LRRC7: variants seen among roughly 807,000 people sequenced by gnomAD.
LRRC7 encodes leucine rich repeat containing 7, also known as leucine-rich repeat-containing protein 7.
A neutral mutation model predicts 175.7 loss-of-function variants in LRRC7; 23 were observed. The observed-to-expected ratio is 0.13, with a 90% CI of 0.09 to 0.19. The LOEUF (loss-of-function observed/expected upper bound fraction) is 0.19, where lower values mean the gene tolerates loss of function less well. LRRC7 is among the 10% of genes least tolerant of loss of function. The pLI is 1.00. For missense variants in LRRC7, 1,354 were observed against 1,904.7 expected, an observed-to-expected ratio of 0.71 and a Z score of 5.38; for synonymous variants, 685 against 680.9, an observed-to-expected ratio of 1.01 and a Z score of -0.09.
At chr1:69,812,124 A>C (rs1271546023) in intron 4 of LRRC7, among the ~76,000 whole-genome samples, 1 of 152,136 alleles carries the variant, frequency 6.6e-6, no homozygotes, top group African/African-American at 2.4e-5. Context: ...TACATAGTCA[A>C]CCCTGGTTGT....
At chr1:69,623,543 G>T (rs931624373) in intron 1 of LRRC7, among the ~76,000 whole-genome samples, 1 of 135,036 alleles carries the variant, frequency 7.4e-6, no homozygotes, top group East Asian at 2.4e-4. Flanking sequence ...CTTAGAAAAA[G>T]ACATACTTTT....
intron 7 of LRRC7, among the ~76,000 whole-genome samples, chr1:69,862,671 T>C (rs1034367336): frequency 1.3e-5 from 2 of 152,216 alleles, no homozygotes; most frequent in Admixed American, 1.3e-4. Flanking sequence ...AGAACATTAT[T>C]GTAATAATTT....
intron 8 of LRRC7, among the ~76,000 whole-genome samples, chr1:69,980,177 C>A (rs1653275714): frequency 1.3e-5 from 2 of 152,054 alleles, no homozygotes; most frequent in African/African-American, 2.4e-5. Context: ...ATTGTTCTAA[C>A]TGATTCCAGA....
intron 1 of LRRC7, among the ~76,000 whole-genome samples, chr1:69,650,312 G>T (rs923577877): frequency 3.3e-5 from 5 of 151,896 alleles, no homozygotes; most frequent in Admixed American, 2.0e-4. Context: ...ATGCCAGGAC[G>T]GGTGGATCAC....
intron 11 of LRRC7, among the ~76,000 whole-genome samples, chr1:69,997,150 T>C (rs1655063031): frequency 6.6e-6 from 1 of 152,190 alleles, no homozygotes; most frequent in African/African-American, 2.4e-5. Flanking sequence ...TATTTTATTC[T>C]CTTTGAAGCA....
intron 3 of LRRC7, among the ~76,000 whole-genome samples, chr1:69,787,228 G>T (rs534199098): frequency 6.6e-6 from 1 of 152,202 alleles, no homozygotes; most frequent in Non-Finnish European, 1.5e-5. Flanking sequence ...TTGTGGCCTC[G>T]CAGGGTACGG....
intron 2 of LRRC7, among the ~76,000 whole-genome samples, chr1:69,744,608 A>C (rs1669062931): frequency 6.6e-6 from 1 of 151,840 alleles, no homozygotes; most frequent in African/African-American, 2.4e-5. Flanking sequence ...TGGGTTCAAG[A>C]AAGAATGTGA....
chr1:69,834,724 T>G (rs970048115), intron 5 of LRRC7, 56 bp from the exon 6 acceptor site: 13 of 1,269,546 alleles, frequency 1.0e-5, no homozygotes, highest in African/African-American at 6.0e-5. Flanking sequence ...ATATTTTTTT[T>G]GTTCTGTTTC....
At chr1:69,926,393 A>T (rs2101753535) in intron 7 of LRRC7, among the ~76,000 whole-genome samples, 1 of 132,582 alleles carries the variant, frequency 7.5e-6, no homozygotes, top group African/African-American at 2.7e-5. Flanking sequence ...GTCGGGTCTA[A>T]TGTTGACAGT....
At chr1:69,862,660 G>C (rs1335193921) in intron 7 of LRRC7, among the ~76,000 whole-genome samples, 1 of 152,162 alleles carries the variant, frequency 6.6e-6, no homozygotes, top group African/African-American at 2.4e-5. Context: ...GTTTCACCTA[G>C]AGAACATTAT....
intron 7 of LRRC7, among the ~76,000 whole-genome samples, chr1:69,929,832 G>A (rs1194680279): frequency 6.6e-6 from 1 of 152,112 alleles, no homozygotes; most frequent in East Asian, 1.9e-4. Flanking sequence ...TCTCTACATT[G>A]TGCTGTAAGA....
chr1:69,962,768 TAAAAATGAGA>T (rs1651233282), intron 8 of LRRC7, among the ~76,000 whole-genome samples: 1 of 151,904 alleles, frequency 6.6e-6, no homozygotes, highest in Admixed American at 6.6e-5. Flanking sequence ...AAGTGGGAGC[TAAAAATGAGA>T]ACACATGGAC....
At chr1:69,857,446 C>A (rs1231883631) in intron 7 of LRRC7, among the ~76,000 whole-genome samples, 3 of 152,116 alleles carry the variant, frequency 2.0e-5, no homozygotes, top group African/African-American at 4.8e-5. Context: ...GTGCAAAAAT[C>A]ACAAACATTC....
chr1:69,804,644 A>T (rs888537526), intron 4 of LRRC7, among the ~76,000 whole-genome samples: 9 of 151,702 alleles, frequency 5.9e-5, no homozygotes, highest in Middle Eastern at 3.4e-3. Context: ...TTCCTTTCTA[A>T]ATTCTTTTTG....
At position 69,764,774 on chromosome 1, in the gene LRRC7, T is replaced by C. The variant is rs71651428; in HGVS notation, c.303+4381T>C. ...ATAGATAGATAGATAGATAGATAGA[T>C]AGATAGACAGACAGACAGATAGATA... is the stretch of plus-strand genomic sequence containing the variant. On this transcript the variant is annotated intron_variant, in intron 3 of 26. Coordinates refer to ENST00000651989, the MANE Select transcript of LRRC7 (RefSeq NM_001370785.2). 6.6e-3 allele frequency among the ~76,000 whole-genome samples: 948 copies of C among 144,658 alleles called. 3 individuals are homozygous for C. The highest frequency in any genetic ancestry group is 9.2e-3 in the Non-Finnish European group (599 of 64,822). 94.9% of individuals were successfully genotyped at this position (144,658 alleles called of 152,430 possible). A position where few individuals can be genotyped will look rare whatever the true frequency, so the allele number is the denominator to read the frequency against.
intron 23 of LRRC7, among the ~76,000 whole-genome samples, chr1:70,066,622 T>C (rs1453407402): frequency 6.6e-6 from 1 of 152,056 alleles, no homozygotes; most frequent in Admixed American, 6.6e-5. Context: ...TCGTTTATCA[T>C]TTACCTATGG....
At chr1:69,799,898 T>C (rs1291109686) in intron 4 of LRRC7, among the ~76,000 whole-genome samples, 1 of 152,100 alleles carries the variant, frequency 6.6e-6, no homozygotes, top group Non-Finnish European at 1.5e-5. Flanking sequence ...AAGTCTTTAA[T>C]ACATTTTGAG....
At position 70,143,092 on chromosome 1, in the gene LRRC7, T is replaced by C. The variant is rs556003254; in HGVS notation, c.*21205T>C. 2.0e-5 allele frequency: 3 copies of C among 152,174 alleles called. No individual in the cohort carries two copies. The highest frequency in any genetic ancestry group is 6.5e-5 in the Admixed American group (1 of 15,272). The allele number at this position is 152,174 out of a possible 1,614,324, so 9.4% of individuals were successfully genotyped here. A position where few individuals can be genotyped will look rare whatever the true frequency, so the allele number is the denominator to read the frequency against. On this transcript the variant is annotated 3_prime_UTR_variant, in exon 27 of 27. Coordinates refer to ENST00000651989, the MANE Select transcript of LRRC7 (RefSeq NM_001370785.2). The stretch of plus-strand genomic sequence containing the variant: ...ATTTTCTTTTTCTCATTTCAGCTCA[T>C]ATAATTCAGTTAGTGAAATATTTCA...
At chr1:70,052,196 A>G (rs1200340471) in intron 22 of LRRC7, among the ~76,000 whole-genome samples, 2 of 152,044 alleles carry the variant, frequency 1.3e-5, no homozygotes, top group Non-Finnish European at 2.9e-5. Context: ...ATGTAAATAT[A>G]CCATTGTACA....
Sources: gnomAD v4.1 joint callset for allele counts (sites outside exome capture counted in the v4.1 genomes callset) on GRCh38, gnomAD v4.1.1 for gene constraint, MANE v1.5 for transcripts, NCBI Gene and HGNC (gene_info 2026-07-23, HGNC 2026-07-21) for gene names.